SHB: variants seen among roughly 807,000 people sequenced by gnomAD.
SHB encodes the protein SH2 domain containing adaptor protein B.
SHB carries 20 observed loss-of-function variants against 52.3 expected under a neutral mutation model. The observed-to-expected ratio is 0.38, with a 90% CI of 0.27 to 0.56. SHB has a LOEUF of 0.56. Among genes scored for constraint, SHB ranks in the 20% least tolerant of loss-of-function variants. The pLI, the probability that SHB is intolerant of heterozygous loss-of-function variation, is 0.71. For missense variants in SHB, 825 were observed against 723.3 expected, an observed-to-expected ratio of 1.14 and a Z score of -1.61; for synonymous variants, 397 against 316.5, an observed-to-expected ratio of 1.25 and a Z score of -2.70.
intron 1 of SHB, among the ~76,000 whole-genome samples, chr9:38,065,847 C>T (rs1587272343): frequency 6.6e-6 from 1 of 152,322 alleles, no homozygotes; most frequent in South Asian, 2.1e-4. Flanking sequence ...CCACAAGGGA[C>T]TTCACCTGCA....
At chr9:38,039,625 T>C (rs960774733) in intron 1 of SHB, among the ~76,000 whole-genome samples, 1 of 152,264 alleles carries the variant, frequency 6.6e-6, no homozygotes, top group Non-Finnish European at 1.5e-5. Context: ...GTTGTAATCC[T>C]ACTTCCTGAA....
chr9:38,003,911 G>A (rs960995628), intron 2 of SHB, among the ~76,000 whole-genome samples: 1 of 152,226 alleles, frequency 6.6e-6, no homozygotes, highest in African/African-American at 2.4e-5. Flanking sequence ...GTGGGGTGGT[G>A]AGGCTGTTGC....
intron 2 of SHB, among the ~76,000 whole-genome samples, chr9:37,979,439 G>C (rs2117979718): frequency 6.6e-6 from 1 of 152,262 alleles, no homozygotes; most frequent in Admixed American, 6.5e-5. Context: ...AGCTAGGCAG[G>C]TGTGCTCCCC....
chr9:38,041,596 T>C (rs1821578258), intron 1 of SHB, among the ~76,000 whole-genome samples: 1 of 145,934 alleles, frequency 6.9e-6, no homozygotes, highest in Non-Finnish European at 1.5e-5. Context: ...AAAAGGGAGG[T>C]GGAGAAAACC....
chr9:37,977,281 C>A (rs550874902), intron 2 of SHB, among the ~76,000 whole-genome samples: 3 of 152,150 alleles, frequency 2.0e-5, no homozygotes, highest in Non-Finnish European at 2.9e-5. Context: ...GAGCGTGGGG[C>A]TTGCTTTCTC....
intron 1 of SHB, among the ~76,000 whole-genome samples, chr9:38,036,422 C>T (rs1821488456): frequency 1.3e-5 from 2 of 152,252 alleles, no homozygotes; most frequent in South Asian, 4.1e-4. Context: ...AAACTCTTTA[C>T]CAATGACACC....
At chr9:37,960,581 A>G (rs1832683188) in intron 3 of SHB, among the ~76,000 whole-genome samples, 1 of 152,310 alleles carries the variant, frequency 6.6e-6, no homozygotes, top group South Asian at 2.1e-4. Context: ...AGGCTGGTCA[A>G]TGTTTTTCCA....
At position 37,918,806 on chromosome 9, in the gene SHB, G is replaced by C. The variant is rs1046778912; in HGVS notation, c.*1015C>G. Among the ~76,000 whole-genome samples, 13 of 152,214 alleles carry C rather than the reference G, an allele frequency of 8.5e-5. No homozygotes were observed. The highest frequency in any genetic ancestry group is 7.2e-4 in the Admixed American group (11 of 15,286). On this transcript the variant is annotated 3_prime_UTR_variant, in exon 6 of 6. Coordinates refer to ENST00000377707, the MANE Select transcript of SHB (RefSeq NM_003028.3). ...GGTGCTGTGTCCAGGGGTTGGGGGG[G>C]TGTCAACACAGACGTCCCACTGCAG... is the stretch of plus-strand genomic sequence containing the variant.
intron 5 of SHB, among the ~76,000 whole-genome samples, chr9:37,947,812 A>G (rs891193190): frequency 6.6e-5 from 10 of 152,248 alleles, no homozygotes; most frequent in African/African-American, 1.2e-4. Flanking sequence ...GATGCCAGGC[A>G]GAGGGATTCA....
chr9:37,934,858 A>C (rs1405592754), intron 5 of SHB, among the ~76,000 whole-genome samples: 1 of 152,164 alleles, frequency 6.6e-6, no homozygotes, highest in Non-Finnish European at 1.5e-5. Context: ...CAAAGCTTTC[A>C]TTTTATTATT....
chr9:37,984,036 T>C (rs906647117), intron 2 of SHB, among the ~76,000 whole-genome samples: 3 of 152,136 alleles, frequency 2.0e-5, no homozygotes, highest in African/African-American at 7.2e-5. Context: ...TCTTCATCTC[T>C]AGAGGGGAGA....
chr9:38,040,790 G>C (rs527550429), intron 1 of SHB, among the ~76,000 whole-genome samples: 1 of 152,252 alleles, frequency 6.6e-6, no homozygotes, highest in Non-Finnish European at 1.5e-5. Context: ...GATAGATTTT[G>C]AGGGCTCTAG....
intron 5 of SHB, among the ~76,000 whole-genome samples, chr9:37,932,955 C>T (rs1832330792): frequency 6.6e-6 from 1 of 152,174 alleles, no homozygotes; most frequent in Non-Finnish European, 1.5e-5. Flanking sequence ...TCTATAACAT[C>T]ATGGTGTATA....
At chr9:38,066,045 G>A (rs537323852) in intron 1 of SHB, among the ~76,000 whole-genome samples, 16 of 152,166 alleles carry the variant, frequency 1.1e-4, no homozygotes, top group Non-Finnish European at 2.1e-4. Context: ...CGCCACTATG[G>A]CCTCTGTCAT....
chr9:38,017,914 C>T (rs1410900206), intron 1 of SHB, among the ~76,000 whole-genome samples: 2 of 152,180 alleles, frequency 1.3e-5, no homozygotes, highest in Non-Finnish European at 2.9e-5. Flanking sequence ...TACACATAAA[C>T]TGCTGTCAAA....
intron 2 of SHB, among the ~76,000 whole-genome samples, chr9:38,009,824 A>G (rs1304350991): frequency 1.3e-5 from 2 of 152,248 alleles, no homozygotes; most frequent in African/African-American, 4.8e-5. Flanking sequence ...CTCTGTGTGA[A>G]ATGACTTTAA....
intron 3 of SHB, among the ~76,000 whole-genome samples, chr9:37,959,640 C>T (rs1832672789): frequency 6.6e-6 from 1 of 152,174 alleles, no homozygotes; most frequent in East Asian, 1.9e-4. Flanking sequence ...GAGCACAGAA[C>T]ATGATTGTGG....
At chr9:38,037,623 T>C (rs1424504930) in intron 1 of SHB, among the ~76,000 whole-genome samples, 3 of 152,176 alleles carry the variant, frequency 2.0e-5, no homozygotes, top group Admixed American at 1.3e-4. Flanking sequence ...ACCTCAGTGC[T>C]TGGCAACAGG....
intron 2 of SHB, among the ~76,000 whole-genome samples, chr9:37,996,125 C>T (rs116984046): frequency 0.011 from 1,626 of 152,324 alleles, 15 homozygotes; most frequent in Non-Finnish European, 0.019. Flanking sequence ...GAAATGACTG[C>T]AGCCATTCTG....
Sources: gnomAD v4.1 joint callset for allele counts (sites outside exome capture counted in the v4.1 genomes callset) on GRCh38, gnomAD v4.1.1 for gene constraint, MANE v1.5 for transcripts, NCBI Gene and HGNC (gene_info 2026-07-23, HGNC 2026-07-21) for gene names.